Variants in PRKG1 observed in about 807,000 individuals in gnomAD.
PRKG1 encodes protein kinase cGMP-dependent 1.
A neutral mutation model predicts 88.1 loss-of-function variants in PRKG1; 35 were observed. The ratio of observed to expected loss-of-function variants is 0.40; its 90% confidence interval spans 0.30 to 0.53. The LOEUF is 0.53. Among genes scored for constraint, PRKG1 ranks in the 20% least tolerant of loss-of-function variants. PRKG1 has a pLI of 0.59. For missense variants in PRKG1, 540 were observed against 839.8 expected, an observed-to-expected ratio of 0.64 and a Z score of 4.41; for synonymous variants, 303 against 292.5, an observed-to-expected ratio of 1.04 and a Z score of -0.37.
At chr10:51,917,698 T>G (rs1842373146) in intron 5 of PRKG1, among the ~76,000 whole-genome samples, 1 of 152,178 alleles carries the variant, frequency 6.6e-6, no homozygotes, top group Non-Finnish European at 1.5e-5. Flanking sequence ...TTGTAGATAC[T>G]TACACGTTGA....
chr10:51,157,461 G>A (rs1209195843), intron 2 of PRKG1, among the ~76,000 whole-genome samples: 2 of 151,744 alleles, frequency 1.3e-5, no homozygotes, highest in Admixed American at 1.3e-4. Context: ...TTAATTATGA[G>A]GTAGCATGTG....
At chr10:51,616,923 C>G (rs996553624) in intron 3 of PRKG1, among the ~76,000 whole-genome samples, 1 of 152,160 alleles carries the variant, frequency 6.6e-6, no homozygotes, top group Non-Finnish European at 1.5e-5. Flanking sequence ...CCATACTTTG[C>G]TTGTGCCTCA....
chr10:51,280,064 G>A (rs1426296570), intron 2 of PRKG1, among the ~76,000 whole-genome samples: 2 of 152,160 alleles, frequency 1.3e-5, no homozygotes, highest in Non-Finnish European at 2.9e-5. Flanking sequence ...TGTAGGGCAG[G>A]CCTGGTGGTG....
chr10:51,231,451 G>T (rs1186317143), intron 2 of PRKG1, among the ~76,000 whole-genome samples: 2 of 152,122 alleles, frequency 1.3e-5, no homozygotes, highest in Non-Finnish European at 2.9e-5. Context: ...TGAGGAGGAG[G>T]CCTAACTTTT....
rs1845498751 is a variant in PRKG1 at position 51,128,989 on chromosome 10, A to G, written c.312-24175A>G. ...AGAAGACATCTTACTTCAGAGTTTT[A>G]ATGTGACTCCTACTCTTGCCTCTTG... is the stretch of plus-strand genomic sequence containing the variant. On this transcript the variant is annotated intron_variant, in intron 1 of 17. Transcript: ENST00000373980. 1.3e-5 allele frequency among the ~76,000 whole-genome samples: 2 copies of G among 152,186 alleles called. 1 individual carries two copies. The highest frequency in any genetic ancestry group is 1.3e-4 in the Admixed American group (2 of 15,278).
intron 5 of PRKG1, among the ~76,000 whole-genome samples, chr10:52,053,542 C>A (rs1846041074): frequency 6.6e-6 from 1 of 152,284 alleles, no homozygotes; most frequent in South Asian, 2.1e-4. Flanking sequence ...TGCTATGCTG[C>A]AGAGAAGGAT....
chr10:51,711,829 AATAG>A (rs1841759104), intron 3 of PRKG1, among the ~76,000 whole-genome samples: 1 of 152,204 alleles, frequency 6.6e-6, no homozygotes, highest in Non-Finnish European at 1.5e-5. Context: ...AAAACACTTT[AATAG>A]ATAGATCCAG....
chr10:51,130,138 T>C (rs58268608), intron 1 of PRKG1, among the ~76,000 whole-genome samples: 5,887 of 152,306 alleles, frequency 0.039, 141 homozygotes, highest in African/African-American at 0.062. Flanking sequence ...TTAGTTACAC[T>C]ACTTACTTGC....
intron 3 of PRKG1, among the ~76,000 whole-genome samples, chr10:51,794,746 A>G (rs1179190615): frequency 6.6e-6 from 1 of 152,080 alleles, no homozygotes; most frequent in Non-Finnish European, 1.5e-5. Flanking sequence ...GTAAATATGT[A>G]TAATTTTATC....
chr10:51,360,738 A>G (rs1842461634), intron 2 of PRKG1, among the ~76,000 whole-genome samples: 1 of 151,920 alleles, frequency 6.6e-6, no homozygotes, highest in Admixed American at 6.6e-5. Flanking sequence ...GACCTTCCGC[A>G]CACTTTAAGT....
intron 3 of PRKG1, among the ~76,000 whole-genome samples, chr10:51,707,332 A>G (rs749802881): frequency 1.6e-5 from 2 of 128,920 alleles, no homozygotes; most frequent in Non-Finnish European, 3.5e-5. Flanking sequence ...CTGCCACACA[A>G]GGTACCTACT....
intron 12 of PRKG1, among the ~76,000 whole-genome samples, chr10:52,276,229 G>A (rs892880077): frequency 1.3e-4 from 20 of 152,222 alleles, no homozygotes; most frequent in Non-Finnish European, 2.6e-4. Flanking sequence ...GCGTTGAAGA[G>A]GAGTGGTGAG....
At chr10:51,414,872 A>T (rs1311409914) in intron 2 of PRKG1, among the ~76,000 whole-genome samples, 2 of 152,184 alleles carry the variant, frequency 1.3e-5, no homozygotes, top group African/African-American at 4.8e-5. Context: ...GAGCTGAAAA[A>T]CTTTAACTAT....
intron 3 of PRKG1, among the ~76,000 whole-genome samples, chr10:51,796,889 T>C (rs138506471): frequency 2.6e-5 from 4 of 152,078 alleles, no homozygotes; most frequent in African/African-American, 7.2e-5. Context: ...AATACCCGCT[T>C]ATGTGTCTAT....
At chr10:52,023,814 C>T (rs1351633228) in intron 5 of PRKG1, among the ~76,000 whole-genome samples, 2 of 151,982 alleles carry the variant, frequency 1.3e-5, no homozygotes, top group African/African-American at 4.8e-5. Flanking sequence ...GGATATTAGC[C>T]CTTTGTTAGA....
intron 2 of PRKG1, among the ~76,000 whole-genome samples, chr10:51,451,127 A>T (rs568714630): frequency 6.6e-6 from 1 of 152,038 alleles, no homozygotes; most frequent in South Asian, 2.1e-4. Flanking sequence ...AATAATATAA[A>T]ATAAATTTGT....
intron 2 of PRKG1, among the ~76,000 whole-genome samples, chr10:51,386,229 T>G (rs527246570): frequency 1.3e-5 from 2 of 152,272 alleles, no homozygotes; most frequent in South Asian, 4.1e-4. Context: ...ATTTTTGTTC[T>G]AGGAAAATCA....
chr10:51,681,284 C>G (rs778586822), intron 3 of PRKG1, among the ~76,000 whole-genome samples: 3 of 151,974 alleles, frequency 2.0e-5, no homozygotes, highest in Non-Finnish European at 4.4e-5. Context: ...AACACAAATA[C>G]AGAATATTAA....
chr10:52,104,545 T>C (rs1019848173), intron 7 of PRKG1, among the ~76,000 whole-genome samples: 6 of 152,048 alleles, frequency 3.9e-5, no homozygotes, highest in African/African-American at 1.2e-4. Context: ...AAGGAAGTCA[T>C]GAATAAGGCC....
Sources: allele counts gnomAD v4.1 joint callset (sites outside exome capture counted in the v4.1 genomes callset), GRCh38; gene constraint gnomAD v4.1.1; transcripts MANE v1.5; gene names NCBI Gene and HGNC (gene_info 2026-07-23, HGNC 2026-07-21).